JCAD: variants seen among roughly 807,000 people sequenced by gnomAD.
JCAD encodes the protein junctional cadherin 5 associated.
A neutral mutation model predicts 98.0 loss-of-function variants in JCAD; 40 were observed. The ratio of observed to expected loss-of-function variants is 0.41; its 90% CI spans 0.32 to 0.53. The LOEUF is 0.53. Ranked by LOEUF, JCAD falls within the 20% of genes least tolerant of loss-of-function variation. The probability of loss-of-function intolerance (pLI) is 0.31; values close to 1 mark genes in which losing one functional copy is unlikely to be tolerated. For missense variants in JCAD, 1,705 were observed against 1,738.1 expected, an observed-to-expected ratio of 0.98 and a Z score of 0.34; for synonymous variants, 691 against 682.3, an observed-to-expected ratio of 1.01 and a Z score of -0.20.
chr10:30,018,296 C>CT (rs68092911), intron 3 of JCAD, among the ~76,000 whole-genome samples: 1,468 of 70,612 alleles, frequency 0.021, 11 homozygotes, highest in Non-Finnish European at 0.031. Context: ...TCTTCTTCTT[C>CT]TTTTTTTTTT....
intron 1 of JCAD, among the ~76,000 whole-genome samples, chr10:30,058,395 G>T (rs147556021): frequency 1.3e-5 from 2 of 152,100 alleles, no homozygotes; most frequent in Non-Finnish European, 2.9e-5. Context: ...GTGTAGGTGT[G>T]GGGAGGTGAT....
intron 1 of JCAD, among the ~76,000 whole-genome samples, chr10:30,112,198 G>T (rs1838714349): frequency 6.6e-6 from 1 of 152,202 alleles, no homozygotes; most frequent in African/African-American, 2.4e-5. Context: ...GCTGGGCTGG[G>T]AGCAGTGGCT....
intron 1 of JCAD, among the ~76,000 whole-genome samples, chr10:30,109,050 C>T (rs922865626): frequency 4.6e-5 from 7 of 152,094 alleles, no homozygotes; most frequent in South Asian, 4.1e-4. Flanking sequence ...AGCTGCTCTC[C>T]GCTGCACGCC....
At chr10:30,040,573 G>A (rs982754635) in intron 2 of JCAD, among the ~76,000 whole-genome samples, 2 of 152,096 alleles carry the variant, frequency 1.3e-5, no homozygotes, top group Non-Finnish European at 2.9e-5. Context: ...GAGTATTCGC[G>A]GTGCCTCCGA....
intron 1 of JCAD, among the ~76,000 whole-genome samples, chr10:30,092,093 T>A (rs1462982942): frequency 7.5e-4 from 16 of 21,408 alleles, no homozygotes; most frequent in South Asian, 1.6e-3. Flanking sequence ...ATATATAAAG[T>A]TACTTTATAT....
In JCAD at chr10:30,026,970, C is replaced by G; in HGVS notation, c.3178G>C (p.Gly1060Arg). 6.2e-7 allele frequency: 1 copy of G among 1,614,202 alleles called. No homozygotes were observed. The highest frequency in any genetic ancestry group is 8.5e-7 in the Non-Finnish European group (1 of 1,180,030). Residue 1060 changes from glycine (G) to arginine (R), a missense_variant, in exon 3 of 4, where the codon GGT becomes CGT. Physicochemically the swap from Gly to Arg is moderately radical, Grantham distance 125. Around this residue, in one of 3 missense-constraint regions of JCAD, gnomAD observed 1,278 missense variants for 1,243.1 expected, o/e 1.03. Transcript: ENST00000375377. Reference protein sequence around the residue: ...SVGLTPGQEQGASELEGSLGE... With the variant: ...SVGLTPGQEQRASELEGSLGE... ...AAAGACCCCTCTAGCTCACTGGCACCCTGTTCTTGCCCAGGGGTGAGCCCC... is the reference window on the plus strand; with the variant it reads ...AAAGACCCCTCTAGCTCACTGGCACGCTGTTCTTGCCCAGGGGTGAGCCCC...
rs777571520 is a variant in JCAD, at chr10:30,014,412, C to T, written c.*3471G>A. 2.0e-5 allele frequency: 3 copies of T among 152,120 alleles called. No homozygotes were observed. The highest frequency in any genetic ancestry group is 4.4e-5 in the Non-Finnish European group (3 of 68,028). The allele number at this position is 152,120 out of a possible 1,614,324, so 9.4% of individuals were successfully genotyped here. On this transcript the variant is annotated 3_prime_UTR_variant, in exon 4 of 4. Coordinates refer to ENST00000375377, the MANE Select transcript of JCAD (RefSeq NM_020848.4). ...AACTTAGGACATGGGAAATGTTTCT[C>T]TAAGCTCAAATATGGATAGAAAGAC...
Position 30,027,231 on chromosome 10 carries a change from A to G in JCAD, c.2917T>C (p.Phe973Leu). 3.7e-6 allele frequency: 6 copies of G among 1,614,212 alleles called. No individual in the cohort carries two copies. Among genetic ancestry groups the G allele is most frequent in the Non-Finnish European group, 5.1e-6 (6 of 1,180,046 alleles). Reference sequence around the variant, plus strand: ...CTTGAAGACATTCTCGTCACAGGAAATGGGCTACCTGCCAGCTCGTCCATT... The same window carrying G: ...CTTGAAGACATTCTCGTCACAGGAAGTGGGCTACCTGCCAGCTCGTCCATT... ...NGMDELAGSPFPVTRMSSRSS... is the reference protein window; with the variant it reads ...NGMDELAGSPLPVTRMSSRSS... The change falls in exon 3 of 4, where the codon TTT becomes CTT. Residue 973 changes from phenylalanine (F) to leucine (L), a missense_variant. This residue lies in a region of JCAD where 1,278 missense variants were observed against 1,243.1 expected (regional missense o/e 1.03). Transcript: ENST00000375377.
In JCAD at chr10:30,029,197, C is replaced by A. The variant is rs1836926757; in HGVS notation, c.951G>T (p.Gln317His). The A allele has an allele frequency of 6.2e-7, 1 of 1,614,172 alleles. No homozygotes were observed. The highest frequency in any genetic ancestry group is 8.5e-7 in the Non-Finnish European group (1 of 1,180,044). Reference protein sequence around the residue: ...GADSSDSQDSQQMDAYVPRHE... With the variant: ...GADSSDSQDSHQMDAYVPRHE... Reference sequence around the variant, plus strand: ...GCCTGGGGACATAGGCGTCCATCTGCTGGCTGTCCTGAGAGTCACTGCTGT... The same window carrying A: ...GCCTGGGGACATAGGCGTCCATCTGATGGCTGTCCTGAGAGTCACTGCTGT... Residue 317 changes from glutamine (Q) to histidine (H), a missense_variant, in exon 3 of 4, where the codon CAG becomes CAT. By Grantham distance (24) the Gln-to-His change is conservative. Transcript: ENST00000375377.
At position 30,029,758 on chromosome 10, in the gene JCAD, C is replaced by T. The variant is rs770670703; in HGVS notation, c.390G>A (p.Glu130=). Residue 130 remains glutamate (E), a synonymous_variant, in exon 3 of 4, where the codon GAG becomes GAA. Coordinates refer to ENST00000375377, the MANE Select transcript of JCAD (RefSeq NM_020848.4). ...RQEARSQKPR[E]HENLEARGMA... The stretch of plus-strand genomic sequence containing the variant: ...TTCCTCTGGCCTCCAGGTTTTCGTG[C>T]TCCCTCGGCTTCTGGCTCCTGGCTT... 3.1e-6 allele frequency: 5 copies of T among 1,614,278 alleles called. No individual in the cohort carries two copies. Among genetic ancestry groups the T allele is most frequent in the Non-Finnish European group, 4.2e-6 (5 of 1,180,058 alleles).
intron 1 of JCAD, among the ~76,000 whole-genome samples, chr10:30,073,297 A>G (rs1837926831): frequency 6.6e-6 from 1 of 152,192 alleles, no homozygotes; most frequent in African/African-American, 2.4e-5. Context: ...TATGATAATG[A>G]TCCACAGTCT....
rs1300227260 is a variant in JCAD, at chr10:30,059,155, G to A, written c.-60+327C>T. 6.6e-6 allele frequency among the ~76,000 whole-genome samples: 1 copy of A among 151,712 alleles called. No individual in the cohort carries two copies. The highest frequency in any genetic ancestry group is 1.5e-5 in the Non-Finnish European group (1 of 67,864). On this transcript the variant is annotated intron_variant, in intron 1 of 3. Coordinates refer to ENST00000375377, the MANE Select transcript of JCAD (RefSeq NM_020848.4). The surrounding 1 kb of genome is among the most constrained non-coding windows in gnomAD (Gnocchi z 5.0). ...CCCTCCGCGCGCCGAGGGGCGACGC[G>A]AGCGCTAACGCCAGCCGCGGCCCGC...
rs775924957 is a variant in JCAD, at chr10:30,029,245, G to A, written c.903C>T (p.His301=). Residue 301 remains histidine, a synonymous_variant, in exon 3 of 4, where the codon CAC becomes CAT. Coordinates refer to ENST00000375377, the MANE Select transcript of JCAD (RefSeq NM_020848.4). ...RPLKPPSYSS[H]QQSRGGADSS... ...TGTCCGCTCCTCCCCTAGACTGCTG[G>A]TGCGAGCTGTAAGATGGGGGCTTGA... The A allele has an allele frequency of 1.9e-6, 3 of 1,614,158 alleles. No individual in the cohort carries two copies. Among genetic ancestry groups the A allele is most frequent in the Admixed American group, 1.7e-5 (1 of 60,018 alleles).
At chr10:30,039,926 T>C (rs1475486972) in intron 2 of JCAD, among the ~76,000 whole-genome samples, 2 of 152,230 alleles carry the variant, frequency 1.3e-5, no homozygotes, top group Non-Finnish European at 1.5e-5. Flanking sequence ...TGAAATGAGA[T>C]GATACATTCA....
Position 30,027,383 on chromosome 10 carries a change from G to A in JCAD, c.2765C>T (p.Pro922Leu), listed in dbSNP as rs1039942113. ...TGGAGGCCAGGCACGTGGGTGGCCA[G>A]GCTGCAGCTCCTCACTCCAGCTCTC... ...KSESWSEELQPGHPRAWPPSP... is the reference protein window; with the variant it reads ...KSESWSEELQLGHPRAWPPSP... The change falls in exon 3 of 4, where the codon CCT (proline) becomes CTT (leucine). Residue 922 changes from proline to leucine, a missense_variant. Pro to Leu is a moderately conservative substitution (Grantham distance 98, BLOSUM62 -3). Around this residue, in one of 3 missense-constraint regions of JCAD, gnomAD observed 1,278 missense variants for 1,243.1 expected, o/e 1.03. Transcript: ENST00000375377. The A allele has an allele frequency of 6.2e-7, 1 of 1,608,120 alleles. No homozygotes were observed. The highest frequency in any genetic ancestry group is 1.1e-5 in the South Asian group (1 of 91,086).
At chr10:30,023,825 A>G (rs1422737673) in intron 3 of JCAD, among the ~76,000 whole-genome samples, 2 of 152,162 alleles carry the variant, frequency 1.3e-5, no homozygotes, top group African/African-American at 4.8e-5. Flanking sequence ...TTAGATACCT[A>G]CTGGACCTTC....
At position 30,028,192 on chromosome 10, in the gene JCAD, T is replaced by C; in HGVS notation, c.1956A>G (p.Leu652=). ...GGRTEFQKQD[L]GEPEEDRQTN... ...TTTGTCTGTCTTCTTCTGGTTCCCC[T>C]AGATCTTGTTTTTGGAACTCCGTTC... Residue 652 remains leucine, a synonymous_variant, in exon 3 of 4, where the codon CTA becomes CTG. Transcript: ENST00000375377. 6.2e-7 allele frequency: 1 copy of C among 1,614,228 alleles called. No homozygotes were observed. Among genetic ancestry groups the C allele is most frequent in the Non-Finnish European group, 8.5e-7 (1 of 1,180,050 alleles).
intron 1 of JCAD, among the ~76,000 whole-genome samples, chr10:30,085,682 G>A (rs80075953): frequency 0.01 from 1,571 of 152,290 alleles, 24 homozygotes; most frequent in Middle Eastern, 0.054. Flanking sequence ...AGTGGAGATG[G>A]GGAGTGATAG....
chr10:30,028,834 C>T lies in JCAD; in HGVS notation c.1314G>A (p.Gln438=), dbSNP rs1462313948. ...TTATGTCTTCACAGAAACCCTGGGG[C>T]TGAGCTAGTTTAAAATGTCGTAACC... ...DPRLRHFKLA[Q]PQGFCEDIKL... is the part of the protein sequence containing the mutation. The change falls in exon 3 of 4, where the codon CAG becomes CAA. Residue 438 remains glutamine, a synonymous_variant. Transcript: ENST00000375377. 1.9e-6 allele frequency: 3 copies of T among 1,614,214 alleles called. No homozygotes were observed.
Sources: allele counts gnomAD v4.1 joint callset (sites outside exome capture counted in the v4.1 genomes callset), GRCh38; gene constraint gnomAD v4.1.1; regional missense constraint gnomAD v4.1.1; non-coding constraint Gnocchi (gnomAD v3.1); transcripts MANE v1.5; gene names NCBI Gene and HGNC (gene_info 2026-07-23, HGNC 2026-07-21).